Variants in CDK8 observed in about 807,000 individuals in gnomAD.
The protein encoded by CDK8 is cyclin dependent kinase 8, also known as cyclin-dependent kinase 8.
CDK8 carries 29 observed loss-of-function variants against 71.5 expected under a neutral mutation model. The observed-to-expected ratio is 0.41, with a 90% CI of 0.30 to 0.55. The LOEUF (loss-of-function observed/expected upper bound fraction) is 0.55, where lower values mean the gene tolerates loss of function less well. CDK8 is among the 20% of genes least tolerant of loss of function. CDK8 has a pLI of 0.37. For synonymous variants in CDK8, 161 were observed against 192.1 expected (o/e 0.84, Z 1.34); for missense variants, 288 against 572.6 (o/e 0.50, Z 5.07).
intron 1 of CDK8, among the ~76,000 whole-genome samples, chr13:26,313,985 T>A (rs1019262435): frequency 5.3e-5 from 8 of 152,174 alleles, no homozygotes; most frequent in African/African-American, 1.9e-4. Flanking sequence ...ACCAGGTGAC[T>A]GGATTGAGGG....
intron 1 of CDK8, among the ~76,000 whole-genome samples, chr13:26,336,655 G>T (rs1331265615): frequency 6.7e-6 from 1 of 148,210 alleles, no homozygotes; most frequent in African/African-American, 2.5e-5. Context: ...CTGGGTTCAC[G>T]CCATTCTCCT....
chr13:26,362,805 A>G (rs899275494), intron 4 of CDK8, among the ~76,000 whole-genome samples: 16 of 152,236 alleles, frequency 1.1e-4, no homozygotes, highest in African/African-American at 3.9e-4. Flanking sequence ...TCAAATTTTC[A>G]TATGGTCATT....
intron 1 of CDK8, among the ~76,000 whole-genome samples, chr13:26,260,701 AAATTAT>A (rs1352885669): frequency 6.6e-6 from 1 of 152,212 alleles, no homozygotes; most frequent in Non-Finnish European, 1.5e-5. Context: ...AAATAATGAA[AAATTAT>A]AATTATTATA....
At position 26,309,687 on chromosome 13, in the gene CDK8, A is replaced by G. The variant is rs188483310; in HGVS notation, c.129-27880A>G. Among the ~76,000 whole-genome samples, 38 of 152,168 alleles carry G rather than the reference A, an allele frequency of 2.5e-4. No homozygotes were observed. The East Asian group carries it at 7.3e-3, about 29-fold the overall frequency. On this transcript the variant is annotated intron_variant, in intron 1 of 12. Transcript: ENST00000381527. ...CAATTCTAGGCTCGAGATACCCTTAATGTGCTGAGTACTGTCACATTTACA... is the reference window on the plus strand; with the variant it reads ...CAATTCTAGGCTCGAGATACCCTTAGTGTGCTGAGTACTGTCACATTTACA...
At chr13:26,264,430 G>A (rs1004075262) in intron 1 of CDK8, among the ~76,000 whole-genome samples, 1 of 151,998 alleles carries the variant, frequency 6.6e-6, no homozygotes, top group South Asian at 2.1e-4. Context: ...GGACTAGCAC[G>A]TCACCCCTCC....
At chr13:26,371,286 A>G (rs1874671839) in intron 4 of CDK8, among the ~76,000 whole-genome samples, 1 of 152,212 alleles carries the variant, frequency 6.6e-6, no homozygotes, top group Non-Finnish European at 1.5e-5. Flanking sequence ...TTATAGATGA[A>G]GAAATGGAGG....
Position 26,254,344 on chromosome 13 carries a change from G to A in CDK8, c.-298G>A, listed in dbSNP as rs1871413876. ...GGAGCCGGCGCCCAGGGAGCCCGCG[G>A]GGACAAGGGCAGAGACACCGCTCCC... On this transcript the variant is annotated 5_prime_UTR_variant, in exon 1 of 13. Transcript: ENST00000381527. The surrounding 1 kb of genome is among the most constrained non-coding windows in gnomAD (Gnocchi z 6.7). The A allele has an allele frequency of 1.1e-5, 3 of 271,288 alleles. No individual in the cohort carries two copies. Among genetic ancestry groups the A allele is most frequent in the South Asian group, 1.6e-4 (2 of 12,862 alleles). The allele number at this position is 271,288 out of a possible 1,614,324, so 16.8% of individuals were successfully genotyped here. A position where few individuals can be genotyped will look rare whatever the true frequency, so the allele number is the denominator to read the frequency against.
At chr13:26,335,920 TAACAACAACAACAACAACAAC>T in intron 1 of CDK8, among the ~76,000 whole-genome samples, 1 of 150,088 alleles carries the variant, frequency 6.7e-6, no homozygotes, top group Admixed American at 6.6e-5. Context: ...TTCTCTTGCT[TAACAACAACAACAACAACAAC>T]AACAACAACA....
At chr13:26,291,838 A>G (rs1421853195) in intron 1 of CDK8, among the ~76,000 whole-genome samples, 1 of 152,050 alleles carries the variant, frequency 6.6e-6, no homozygotes, top group Admixed American at 6.6e-5. Context: ...GGATATTCCC[A>G]TTACCTCTCT....
intron 1 of CDK8, among the ~76,000 whole-genome samples, chr13:26,314,345 CATCA>C (rs1874418606): frequency 6.6e-6 from 1 of 152,134 alleles, no homozygotes; most frequent in East Asian, 1.9e-4. Flanking sequence ...CTGTTAACAT[CATCA>C]ATCTAAATTC....
At chr13:26,304,659 C>T (rs1016336005) in intron 1 of CDK8, among the ~76,000 whole-genome samples, 2 of 151,932 alleles carry the variant, frequency 1.3e-5, no homozygotes, top group African/African-American at 2.4e-5. Flanking sequence ...TTTTTAGTGA[C>T]AGTGTTTCCC....
intron 1 of CDK8, among the ~76,000 whole-genome samples, chr13:26,336,242 A>G (rs180950157): frequency 2.2e-4 from 33 of 152,210 alleles, no homozygotes; most frequent in African/African-American, 7.7e-4. Context: ...GGTCAACACT[A>G]TTTTTGTAAT....
chr13:26,372,982 A>G (rs771929654), intron 4 of CDK8, among the ~76,000 whole-genome samples: 1 of 152,116 alleles, frequency 6.6e-6, no homozygotes, highest in Non-Finnish European at 1.5e-5. Context: ...ATTATGCCAT[A>G]CCCACAAATG....
intron 1 of CDK8, among the ~76,000 whole-genome samples, chr13:26,262,045 G>C (rs1871792473): frequency 6.6e-6 from 1 of 152,156 alleles, no homozygotes; most frequent in Non-Finnish European, 1.5e-5. Flanking sequence ...TCCTCAGGCA[G>C]CACCTTGTGC....
intron 1 of CDK8, among the ~76,000 whole-genome samples, chr13:26,261,625 A>G (rs1341874693): frequency 3.3e-5 from 5 of 152,204 alleles, no homozygotes; most frequent in African/African-American, 1.2e-4. Flanking sequence ...TCCATGTGGT[A>G]CATGTATCAG....
intron 1 of CDK8, among the ~76,000 whole-genome samples, chr13:26,312,613 A>G (rs1874339128): frequency 6.7e-6 from 1 of 149,584 alleles, no homozygotes; most frequent in Admixed American, 6.7e-5. Flanking sequence ...GAAGGAACAA[A>G]CTCCAGACAC....
chr13:26,342,013 C>A (rs998427421), intron 2 of CDK8, among the ~76,000 whole-genome samples: 2 of 152,254 alleles, frequency 1.3e-5, no homozygotes, highest in Non-Finnish European at 2.9e-5. Flanking sequence ...CTCCGCCTCC[C>A]GTGTTCAAGC....
chr13:26,282,621 G>A (rs898664562), intron 1 of CDK8, among the ~76,000 whole-genome samples: 1 of 152,126 alleles, frequency 6.6e-6, no homozygotes, highest in African/African-American at 2.4e-5. Context: ...TTCTCAAAGC[G>A]TAAATCTGAT....
intron 4 of CDK8, among the ~76,000 whole-genome samples, chr13:26,376,972 AAAAT>A (rs1874983439): frequency 6.6e-6 from 1 of 152,250 alleles, no homozygotes. Context: ...GGATTAGAGA[AAAAT>A]AAGAGGGAAT....
Sources: allele counts gnomAD v4.1 joint callset (sites outside exome capture counted in the v4.1 genomes callset), GRCh38; gene constraint gnomAD v4.1.1; non-coding constraint Gnocchi (gnomAD v3.1); transcripts MANE v1.5; gene names NCBI Gene and HGNC (gene_info 2026-07-23, HGNC 2026-07-21).